RDX: variants seen among roughly 807,000 people sequenced by gnomAD.
The protein encoded by RDX is radixin, also known as deafness, autosomal recessive 24.
A neutral mutation model predicts 83.7 loss-of-function variants in RDX; 32 were observed. The ratio of observed to expected loss-of-function variants is 0.38; its 90% CI spans 0.29 to 0.51. RDX has a LOEUF of 0.51. Among genes scored for constraint, RDX ranks in the 20% least tolerant of loss-of-function variants. RDX has a pLI of 0.87. For synonymous variants in RDX, 229 were observed against 222.7 expected (o/e 1.03, Z -0.25); for missense variants, 600 against 689.9 (o/e 0.87, Z 1.46).
intron 2 of RDX, among the ~76,000 whole-genome samples, chr11:110,276,760 T>C (rs1037828131): frequency 6.6e-6 from 1 of 152,208 alleles, no homozygotes; most frequent in Non-Finnish European, 1.5e-5. Flanking sequence ...TTGTGGGTAT[T>C]GTAAATATGG....
chr11:110,265,114 T>G (rs12576698), intron 3 of RDX, among the ~76,000 whole-genome samples: 31 of 143,178 alleles, frequency 2.2e-4, no homozygotes, highest in African/African-American at 6.7e-4. Context: ...TTTTTGTTTT[T>G]TTTTTTTTTG....
Position 110,264,223 on chromosome 11 carries a change from C to G in RDX, c.204G>C (p.Gln68His), listed in dbSNP as rs762814919. 5 of 1,604,450 alleles carry G rather than the reference C, an allele frequency of 3.1e-6. No homozygotes were observed. The East Asian group carries it at 1.1e-4, about 36-fold the overall frequency. Residue 68 changes from glutamine (Q) to histidine (H), a missense_variant, in exon 5 of 14, where the codon CAG (glutamine) becomes CAC (histidine). By Grantham distance (24) the Gln-to-His change is conservative. Transcript: ENST00000645495. The part of the protein sequence containing the change: ...WLKLNKKVTQ[Q>H]DVKKENPLQF... ...GTAAAGGATTCTCTTTTTTAACATC[C>G]TGCTGTGTTACCTGGAAAAATAATT...
chr11:110,250,124 A>G (rs1859266091), intron 9 of RDX, among the ~76,000 whole-genome samples: 1 of 152,214 alleles, frequency 6.6e-6, no homozygotes, highest in African/African-American at 2.4e-5. Flanking sequence ...CACTTCTAGA[A>G]GACGTGAGTT....
At chr11:110,210,632 G>A (rs1349178617) in intron 14 of RDX, among the ~76,000 whole-genome samples, 52 of 151,156 alleles carry the variant, frequency 3.4e-4, no homozygotes, top group Non-Finnish European at 6.9e-4. Context: ...CAGACTAACA[G>A]CGGATCTCTC....
chr11:110,227,094 A>G (rs1864459029), downstream of RDX, among the ~76,000 whole-genome samples: 1 of 152,162 alleles, frequency 6.6e-6, no homozygotes, highest in Non-Finnish European at 1.5e-5. Context: ...ATATAAAAGG[A>G]AAGTGAGGGA....
intron 12 of RDX, among the ~76,000 whole-genome samples, chr11:110,234,033 T>C (rs1455015752): frequency 6.6e-6 from 1 of 152,260 alleles, no homozygotes; most frequent in Non-Finnish European, 1.5e-5. Context: ...TATCTTGGTT[T>C]ACCTGGAAAA....
At chr11:110,208,478 G>C (rs953308225) in intron 14 of RDX, among the ~76,000 whole-genome samples, 11 of 152,130 alleles carry the variant, frequency 7.2e-5, no homozygotes, top group Admixed American at 1.3e-4. Flanking sequence ...ACTGAGTTCA[G>C]TTCTTATCAC....
intron 14 of RDX, among the ~76,000 whole-genome samples, chr11:110,212,824 T>G (rs1863888605): frequency 6.9e-6 from 1 of 145,358 alleles, no homozygotes; most frequent in Non-Finnish European, 1.5e-5. Flanking sequence ...TAGGTATTGA[T>G]GGGATGTATT....
chr11:110,285,997 A>G (rs1430777548), intron 1 of RDX, among the ~76,000 whole-genome samples: 6 of 152,050 alleles, frequency 3.9e-5, no homozygotes, highest in Non-Finnish European at 7.4e-5. Flanking sequence ...TATACCAAAT[A>G]TTTGTATATT....
intron 1 of RDX, among the ~76,000 whole-genome samples, chr11:110,295,489 A>C (rs746247294): frequency 1.3e-5 from 2 of 151,958 alleles, no homozygotes; most frequent in Non-Finnish European, 2.9e-5. Flanking sequence ...CCAAAATCTC[A>C]AATGTATTTT....
At chr11:110,272,888 C>T (rs996784259) in intron 2 of RDX, 7 of 494,234 alleles carry the variant, frequency 1.4e-5, no homozygotes, top group African/African-American at 5.8e-5. Context: ...TCTACAGAAA[C>T]GCAAAGAGTT....
At chr11:110,248,980 C>T (rs2134343147) in intron 9 of RDX, among the ~76,000 whole-genome samples, 1 of 152,180 alleles carries the variant, frequency 6.6e-6, no homozygotes, top group East Asian at 1.9e-4. Context: ...GAAAAAATGC[C>T]TTGATCATTT....
At chr11:110,295,264 TC>T (rs1251571419) in intron 1 of RDX, among the ~76,000 whole-genome samples, 3 of 149,898 alleles carry the variant, frequency 2.0e-5, no homozygotes, top group Admixed American at 6.7e-5. Flanking sequence ...GGGTAATTGT[TC>T]CTTCTTAGCT....
chr11:110,249,037 G>C (rs1859222709), intron 9 of RDX, among the ~76,000 whole-genome samples: 3 of 152,134 alleles, frequency 2.0e-5, no homozygotes, highest in African/African-American at 7.2e-5. Flanking sequence ...TTTAAATACT[G>C]CCAAATTCAT....
intron 2 of RDX, 33 bp downstream of exon 2, chr11:110,279,648 G>A (rs1311122255): frequency 8.7e-6 from 12 of 1,383,778 alleles, no homozygotes; most frequent in Admixed American, 1.7e-5. Flanking sequence ...TCTTATTATT[G>A]AGACACTGTC....
chr11:110,291,495 G>A (rs115328073), intron 1 of RDX, among the ~76,000 whole-genome samples: 50 of 152,244 alleles, frequency 3.3e-4, no homozygotes, highest in Admixed American at 5.9e-4. Context: ...AATGAGGCTC[G>A]AAAGACATCT....
chr11:110,181,875 T>G (rs1265937665), intron 15 of RDX: 2 of 152,196 alleles, frequency 1.3e-5, no homozygotes, highest in Non-Finnish European at 2.9e-5. Flanking sequence ...TCCGAGACAT[T>G]GTTACCACCT....
chr11:110,296,226 C>T (rs1024911921), intron 1 of RDX, among the ~76,000 whole-genome samples: 2 of 152,184 alleles, frequency 1.3e-5, no homozygotes, highest in Admixed American at 6.5e-5. Flanking sequence ...ACGTTCGGGC[C>T]GCGGCTCAGC....
intron 14 of RDX, among the ~76,000 whole-genome samples, chr11:110,207,609 T>C (rs1216990970): frequency 6.6e-6 from 1 of 151,910 alleles, no homozygotes; most frequent in East Asian, 1.9e-4. Flanking sequence ...GATTTAAGAA[T>C]GTTTTTTACC....
Sources: allele counts gnomAD v4.1 joint callset (sites outside exome capture counted in the v4.1 genomes callset), GRCh38; gene constraint gnomAD v4.1.1; transcripts MANE v1.5; gene names NCBI Gene and HGNC (gene_info 2026-07-23, HGNC 2026-07-21).